Variants in CRB1 observed in about 807,000 individuals in gnomAD.
CRB1 encodes the protein crumbs cell polarity complex component 1, also known as protein crumbs homolog 1.
In CRB1, 83 loss-of-function variants were observed where a neutral mutation model predicts 120.0. That is an observed-to-expected ratio of 0.69 (90% confidence interval 0.58 to 0.83). The LOEUF (loss-of-function observed/expected upper bound fraction) is 0.83, where lower values mean the gene tolerates loss of function less well. CRB1 is among the 40% of genes least tolerant of loss of function. The pLI, the probability that CRB1 is intolerant of heterozygous loss-of-function variation, is 0.00. For missense variants in CRB1, 1,699 were observed against 1,687.6 expected (o/e 1.01, Z -0.12); for synonymous variants, 625 against 612.5 (o/e 1.02, Z -0.30).
chr1:197,250,318 C>A, the CRB1 span, among the ~76,000 whole-genome samples: 1 of 152,008 alleles, frequency 6.6e-6, no homozygotes, highest in African/African-American at 2.4e-5. Flanking sequence ...TCAATCAATT[C>A]GTTTCATCTC....
At chr1:197,310,650 T>G (rs72740520) in intron 1 of CRB1, among the ~76,000 whole-genome samples, 7,439 of 152,210 alleles carry the variant, frequency 0.049, 254 homozygotes, top group Non-Finnish European at 0.077. Context: ...TATATAGATA[T>G]AGATATAGAA....
chr1:197,422,018 A>G (rs1664359885), intron 6 of CRB1, 62 bp downstream of exon 6: 1 of 1,486,966 alleles, frequency 6.7e-7, no homozygotes, highest in Non-Finnish European at 9.3e-7. Context: ...CAGAAACAGC[A>G]AAAACAGCCA....
rs776106605 is a variant in CRB1, at chr1:197,421,214, T to C, written c.1386T>C (p.Asp462=). ...NNGTCIPHFQ[D]GQHGFSCLCP... is the part of the protein sequence containing the mutation. ...GAACATGCATCCCTCACTTCCAAGA[T>C]GGCCAGCATGGATTCAGCTGCCTAT... The change falls in exon 6 of 12, where the codon GAT becomes GAC. Residue 462 remains aspartate (D), a synonymous_variant. Coordinates refer to ENST00000367400, the MANE Select transcript of CRB1 (RefSeq NM_201253.3). 17 of 1,614,114 alleles carry C rather than the reference T, an allele frequency of 1.1e-5. No individual in the cohort carries two copies. In the South Asian group the frequency reaches 1.1e-4, roughly 10 times the overall value.
At chr1:197,473,608 T>C (rs1667073690) in intron 11 of CRB1, among the ~76,000 whole-genome samples, 1 of 135,646 alleles carries the variant, frequency 7.4e-6, no homozygotes, top group Non-Finnish European at 1.7e-5. Context: ...TAGCAGCATG[T>C]CATTTTTCAG....
the CRB1 span, among the ~76,000 whole-genome samples, chr1:197,210,304 A>C: frequency 6.6e-6 from 1 of 152,192 alleles, no homozygotes. Flanking sequence ...TTAACAGGCA[A>C]ATAAGTAGAC....
At chr1:197,425,013 G>GA (rs535358212) in intron 6 of CRB1, among the ~76,000 whole-genome samples, 32 of 150,908 alleles carry the variant, frequency 2.1e-4, no homozygotes, top group Middle Eastern at 3.2e-3. Context: ...AGGCTTCTGA[G>GA]AAAAAAAAAT....
the CRB1 span, among the ~76,000 whole-genome samples, chr1:197,211,962 A>G: frequency 6.6e-6 from 1 of 152,184 alleles, no homozygotes; most frequent in East Asian, 1.9e-4. Flanking sequence ...ATACTAATAT[A>G]AAATGAAAAA....
chr1:197,331,568 A>G (rs1474921987), intron 2 of CRB1, among the ~76,000 whole-genome samples: 1 of 152,182 alleles, frequency 6.6e-6, no homozygotes, highest in African/African-American at 2.4e-5. Flanking sequence ...TTGAATAAAA[A>G]TAAGAAATTT....
the CRB1 span, among the ~76,000 whole-genome samples, chr1:197,221,760 G>A: frequency 9.2e-5 from 14 of 152,084 alleles, no homozygotes; most frequent in Non-Finnish European, 1.6e-4. Flanking sequence ...ATTGGGGTTG[G>A]GTGGTGGTGG....
chr1:197,402,257 G>A (rs1011750464), intron 5 of CRB1, among the ~76,000 whole-genome samples: 16 of 151,928 alleles, frequency 1.1e-4, no homozygotes, highest in East Asian at 1.9e-4. Flanking sequence ...CCTTCTTTGC[G>A]TTCATGAGTT....
intron 10 of CRB1, chr1:197,438,899 T>C (rs1665295150): frequency 4.4e-6 from 2 of 458,734 alleles, no homozygotes; most frequent in Non-Finnish European, 7.9e-6. Context: ...GGAAAAATGA[T>C]TTTTAAAAAA....
the CRB1 span, among the ~76,000 whole-genome samples, chr1:197,230,142 A>T: frequency 6.6e-6 from 1 of 152,162 alleles, no homozygotes; most frequent in Non-Finnish European, 1.5e-5. Flanking sequence ...GCTTAAGATC[A>T]CTCAGCTGAA....
At chr1:197,441,104 C>T (rs986651600) in intron 10 of CRB1, 1 of 152,100 alleles carries the variant, frequency 6.6e-6, no homozygotes, top group Non-Finnish European at 1.5e-5. Flanking sequence ...CCCATACGTG[C>T]AAGTTTTACA....
In CRB1 at chr1:197,477,819, G is replaced by A. The variant is rs759035666; in HGVS notation, c.4161G>A (p.Glu1387=). Residue 1387 remains glutamate (E), a synonymous_variant, in exon 12 of 12, where the codon GAG becomes GAA. Transcript: ENST00000367400. The part of the protein sequence containing the change: ...GTYSPSRQEK[E]GSRVEMWNLM... Reference sequence around the variant, plus strand: ...ACAGCCCCAGCCGTCAGGAGAAGGAGGGCTCCCGAGTGGAAATGTGGAACT... The same window carrying A: ...ACAGCCCCAGCCGTCAGGAGAAGGAAGGCTCCCGAGTGGAAATGTGGAACT... 4 of 1,613,878 alleles carry A rather than the reference G, an allele frequency of 2.5e-6. No homozygotes were observed. Among genetic ancestry groups the A allele is most frequent in the South Asian group, 1.1e-5 (1 of 91,072 alleles).
intron 5 of CRB1, among the ~76,000 whole-genome samples, chr1:197,394,998 T>C (rs1291421727): frequency 6.6e-6 from 1 of 152,116 alleles, no homozygotes; most frequent in African/African-American, 2.4e-5. Context: ...GGAGCATCGT[T>C]TGTACCATAT....
At chr1:197,346,393 G>A (rs1451257364) in intron 3 of CRB1, among the ~76,000 whole-genome samples, 2 of 151,866 alleles carry the variant, frequency 1.3e-5, no homozygotes, top group African/African-American at 2.4e-5. Flanking sequence ...TTGGCAACAG[G>A]GTTTTTGTCG....
chr1:197,467,277 A>G (rs556395524), intron 11 of CRB1, among the ~76,000 whole-genome samples: 39 of 152,272 alleles, frequency 2.6e-4, no homozygotes, highest in African/African-American at 7.9e-4. Context: ...CAGATTACCA[A>G]CTTTTTAACA....
At chr1:197,413,980 T>TG in intron 5 of CRB1, 1 of 456,808 alleles carries the variant, frequency 2.2e-6, no homozygotes, top group Admixed American at 2.3e-5. Context: ...GGTTTTCACA[T>TG]TTTAATGGCA....
the CRB1 span, among the ~76,000 whole-genome samples, chr1:197,206,884 C>A: frequency 6.6e-6 from 1 of 152,016 alleles, no homozygotes; most frequent in East Asian, 1.9e-4. Context: ...TTTCTTAGGT[C>A]TAGTAGTAAT....
Sources: allele counts gnomAD v4.1 joint callset (sites outside exome capture counted in the v4.1 genomes callset), GRCh38; gene constraint gnomAD v4.1.1; transcripts MANE v1.5; gene names NCBI Gene and HGNC (gene_info 2026-07-23, HGNC 2026-07-21).